LDAF1: variants seen among roughly 807,000 people sequenced by gnomAD.
The protein encoded by LDAF1 is PROMETHIN.
A neutral mutation model predicts 13.5 loss-of-function variants in LDAF1; 7 were observed. The observed-to-expected ratio is 0.52, with a 90% CI of 0.29 to 0.97. LDAF1 has a LOEUF of 0.97. LDAF1 is among the 50% of genes least tolerant of loss of function. LDAF1 has a pLI of 0.07. For synonymous variants in LDAF1, 69 were observed against 77.1 expected (o/e 0.89, Z 0.55); for missense variants, 148 against 193.2 (o/e 0.77, Z 1.39).
At chr16:21,159,261 G>T in intron 1 of LDAF1, 1 of 1,374,240 alleles carries the variant, frequency 7.3e-7, no homozygotes. Context: ...CTAAGTACTC[G>T]ACTCCCCTCT....
intron 2 of LDAF1, among the ~76,000 whole-genome samples, chr16:21,168,446 C>T (rs1248527291): frequency 2.0e-5 from 3 of 150,850 alleles, no homozygotes; most frequent in Non-Finnish European, 4.4e-5. Context: ...TTAATGCTTA[C>T]TAATAGACAA....
At chr16:21,164,158 G>A (rs1218136286) in intron 2 of LDAF1, among the ~76,000 whole-genome samples, 1 of 152,154 alleles carries the variant, frequency 6.6e-6, no homozygotes, top group African/African-American at 2.4e-5. Context: ...TGGCCACTTT[G>A]TCCCTAGTTT....
At chr16:21,178,308 C>T in intron 4 of LDAF1, 10 of 985,340 alleles carry the variant, frequency 1.0e-5, no homozygotes, top group Non-Finnish European at 1.2e-5. Flanking sequence ...ACTCACTACC[C>T]CATATCATAA....
chr16:21,166,957 A>G, intron 2 of LDAF1: 2 of 1,515,544 alleles, frequency 1.3e-6, no homozygotes, highest in Non-Finnish European at 1.8e-6. Context: ...CGGAATAGCA[A>G]GCTCTTTGGT....
intron 2 of LDAF1, among the ~76,000 whole-genome samples, chr16:21,167,696 G>GTTGTTTTTTT (rs2093037554): frequency 1.1e-5 from 1 of 89,092 alleles, no homozygotes; most frequent in Admixed American, 1.7e-4. Context: ...CCTTAGGTTT[G>GTTGTTTTTTT]TTTTTTTTTT....
chr16:21,173,962 T>C (rs1406939423), intron 3 of LDAF1, 48 bp from the exon 4 acceptor site: 1 of 1,579,170 alleles, frequency 6.3e-7, no homozygotes, highest in South Asian at 1.2e-5. Flanking sequence ...CTGCCAGTTT[T>C]CAACCTGTTT....
chr16:21,178,094 C>T (rs2093155585), intron 4 of LDAF1: 1 of 597,124 alleles, frequency 1.7e-6, no homozygotes, highest in Non-Finnish European at 2.1e-6. Flanking sequence ...AAAAAGGAAA[C>T]AAAACTGTAA....
At chr16:21,177,375 C>T (rs1183085390) in intron 4 of LDAF1, 2 of 150,962 alleles carry the variant, frequency 1.3e-5, no homozygotes, top group Non-Finnish European at 2.9e-5. Context: ...AATTTTTCTA[C>T]TCTATTTTAT....
chr16:21,170,271 G>A, intron 2 of LDAF1, 166 bp from the exon 3 acceptor site: 1 of 984,352 alleles, frequency 1.0e-6, no homozygotes. Context: ...CCAAAGTGTT[G>A]GGATTACAGA....
chr16:21,166,062 A>T (rs182430365), intron 2 of LDAF1, among the ~76,000 whole-genome samples: 41 of 152,184 alleles, frequency 2.7e-4, no homozygotes, highest in Admixed American at 7.9e-4. Context: ...GGGTTTCACC[A>T]TGTTGACCAG....
At chr16:21,160,294 TA>T (rs1158578215) in intron 1 of LDAF1, among the ~76,000 whole-genome samples, 1 of 152,084 alleles carries the variant, frequency 6.6e-6, no homozygotes, top group African/African-American at 2.4e-5. Flanking sequence ...CAACAAGGGT[TA>T]AAAAATATAT....
At chr16:21,174,192 A>T in intron 4 of LDAF1, 44 bp downstream of exon 4, 2 of 1,563,854 alleles carry the variant, frequency 1.3e-6, no homozygotes, top group Non-Finnish European at 1.7e-6. Context: ...TAATCTTTCT[A>T]CTTTTTTGTT....
chr16:21,166,301 T>C (rs779416114), intron 2 of LDAF1, among the ~76,000 whole-genome samples: 5 of 152,226 alleles, frequency 3.3e-5, no homozygotes, highest in Non-Finnish European at 7.3e-5. Context: ...TCAATTCTGA[T>C]GCCAAATTTT....
At chr16:21,167,744 C>T (rs970637253) in intron 2 of LDAF1, among the ~76,000 whole-genome samples, 1 of 111,662 alleles carries the variant, frequency 9.0e-6, no homozygotes, top group African/African-American at 3.5e-5. Flanking sequence ...CGGTATCCCA[C>T]GCCTGTAATC....
chr16:21,165,633 T>C, intron 2 of LDAF1: 1 of 975,336 alleles, frequency 1.0e-6, no homozygotes, highest in Non-Finnish European at 1.2e-6. Context: ...CCTGCAAATC[T>C]TTCTACCTGC....
chr16:21,167,459 CTT>C (rs1379301867), intron 2 of LDAF1, among the ~76,000 whole-genome samples: 1 of 152,238 alleles, frequency 6.6e-6, no homozygotes, highest in African/African-American at 2.4e-5. Flanking sequence ...GGAAACCCAT[CTT>C]TGCGGATTTG....
rs1235150685 is a variant in LDAF1, at chr16:21,179,785, G to A, written c.*229G>A. 1.7e-5 allele frequency: 8 copies of A among 480,514 alleles called. No individual in the cohort carries two copies. The highest frequency in any genetic ancestry group is 2.0e-5 in the African/African-American group (1 of 50,748). The allele number at this position is 480,514 out of a possible 1,614,324, so 29.8% of individuals were successfully genotyped here. A position where few individuals can be genotyped will look rare whatever the true frequency, so the allele number is the denominator to read the frequency against. ...GAGAAATGCGATGGTTCAACAGCTC[G>A]CCCTGCCCCAAGTATGCAGACTTGA... On this transcript the variant is annotated 3_prime_UTR_variant, in exon 5 of 5. Coordinates refer to ENST00000233047, the MANE Select transcript of LDAF1 (RefSeq NM_001301771.2).
At chr16:21,168,522 A>G (rs553998217) in intron 2 of LDAF1, among the ~76,000 whole-genome samples, 1 of 146,404 alleles carries the variant, frequency 6.8e-6, no homozygotes, top group Non-Finnish European at 1.5e-5. Context: ...TAATTATAAT[A>G]AATAATATAT....
At position 21,159,271 on chromosome 16, in the gene LDAF1, T is replaced by C. The variant is rs2092933789; in HGVS notation, c.-99+525T>C. The C allele has an allele frequency of 5.4e-6, 8 of 1,473,212 alleles. No homozygotes were observed. The Admixed American group carries it at 1.3e-4, about 25-fold the overall frequency. 91.3% of individuals were successfully genotyped at this position (1,473,212 alleles called of 1,614,324 possible). ...AATAACTAAGTACTCGACTCCCCTC[T>C]GAGTTCCCATTATTCAGTCTCTGTG... On this transcript the variant is annotated intron_variant, in intron 1 of 4. Transcript: ENST00000233047.
Sources: allele counts gnomAD v4.1 joint callset (sites outside exome capture counted in the v4.1 genomes callset), GRCh38; gene constraint gnomAD v4.1.1; transcripts MANE v1.5; gene names NCBI Gene and HGNC (gene_info 2026-07-23, HGNC 2026-07-21).